The following NETO1 variants were observed in gnomAD, a reference collection of about 807,000 sequenced individuals.
The protein encoded by NETO1 is neuropilin and tolloid-like protein 1.
NETO1 carries 26 observed loss-of-function variants against 61.3 expected under a neutral mutation model. The ratio of observed to expected loss-of-function variants is 0.42; its 90% CI spans 0.31 to 0.59. NETO1 has a LOEUF of 0.59. Ranked by LOEUF, NETO1 falls within the 20% of genes least tolerant of loss-of-function variation. The pLI is 0.12. For synonymous variants in NETO1, 225 were observed against 225.8 expected (o/e 1.00, Z 0.03); for missense variants, 531 against 662.8 (o/e 0.80, Z 2.18).
intron 6 of NETO1, 48 bp from the exon 7 acceptor site, chr18:72,783,954 A>T (rs775520336): frequency 7.6e-7 from 1 of 1,315,416 alleles, no homozygotes; most frequent in East Asian, 2.3e-5. Flanking sequence ...ATATGAATGT[A>T]CATCAGTATC....
chr18:72,844,614 C>T (rs1195067027), intron 4 of NETO1, among the ~76,000 whole-genome samples: 4 of 152,156 alleles, frequency 2.6e-5, no homozygotes, highest in Admixed American at 1.3e-4. Context: ...TCGTATCTGG[C>T]GTCTCACTCA....
chr18:72,848,655 A>C (rs2074160189), intron 4 of NETO1, among the ~76,000 whole-genome samples: 1 of 152,184 alleles, frequency 6.6e-6, no homozygotes, highest in African/African-American at 2.4e-5. Context: ...TCAAGGGCTG[A>C]GACTGTACTC....
intron 4 of NETO1, among the ~76,000 whole-genome samples, chr18:72,806,011 C>A (rs1408897292): frequency 6.6e-6 from 1 of 152,116 alleles, no homozygotes; most frequent in Non-Finnish European, 1.5e-5. Context: ...GTGTTGAAAG[C>A]TAATGATGAG....
intron 6 of NETO1, among the ~76,000 whole-genome samples, chr18:72,785,767 A>C (rs1568198592): frequency 6.6e-6 from 1 of 152,200 alleles, no homozygotes; most frequent in South Asian, 2.1e-4. Flanking sequence ...ATTTTCAAAA[A>C]ATCCACCCTT....
chr18:72,834,229 C>T (rs941945824), intron 4 of NETO1: 48 of 680,976 alleles, frequency 7.0e-5, no homozygotes, highest in Non-Finnish European at 6.3e-5. Flanking sequence ...GTATTAATTG[C>T]AAAATAAGTT....
chr18:72,779,088 G>A (rs1424079135), intron 7 of NETO1, among the ~76,000 whole-genome samples: 3 of 152,120 alleles, frequency 2.0e-5, no homozygotes, highest in Non-Finnish European at 2.9e-5. Flanking sequence ...AAATGTGTAG[G>A]CACCAGGAAA....
rs2072345374 is a variant in NETO1, at chr18:72,797,184, G to C, written c.470-2780C>G. ...CTTGATTAGAAGGTTTCAGCCTTAT[G>C]TGCCTGTTTCTACAATTTTTGTGGA... On this transcript the variant is annotated intron_variant, in intron 4 of 10. Coordinates refer to ENST00000327305, the MANE Select transcript of NETO1 (RefSeq NM_138966.5). Among the ~76,000 whole-genome samples the C allele has an allele frequency of 2.0e-5, 3 of 151,982 alleles. No homozygotes were observed. The South Asian group carries it at 6.2e-4, about 32-fold the overall frequency.
Position 72,747,964 on chromosome 18 carries a change from A to G in NETO1, c.*215T>C. 1 of 182,106 alleles carries G rather than the reference A, an allele frequency of 5.5e-6. No individual in the cohort carries two copies. The highest frequency in any genetic ancestry group is 1.1e-5 in the Non-Finnish European group (1 of 95,046). 11.3% of individuals were successfully genotyped at this position (182,106 alleles called of 1,614,324 possible). A position where few individuals can be genotyped will look rare whatever the true frequency, so the allele number is the denominator to read the frequency against. On this transcript the variant is annotated 3_prime_UTR_variant, in exon 11 of 11. Coordinates refer to ENST00000327305, the MANE Select transcript of NETO1 (RefSeq NM_138966.5). ...CTCAAAATGTATTTAAAAACTAAGGAGCACTTGGTGGCCAGCAACCAAATT... is the reference window on the plus strand; with the variant it reads ...CTCAAAATGTATTTAAAAACTAAGGGGCACTTGGTGGCCAGCAACCAAATT...
intron 4 of NETO1, among the ~76,000 whole-genome samples, chr18:72,801,816 TAAATA>T (rs2072517105): frequency 6.6e-6 from 1 of 152,160 alleles, no homozygotes; most frequent in African/African-American, 2.4e-5. Flanking sequence ...TATTTCCTCT[TAAATA>T]AAAGAAAATA....
At chr18:72,846,231 G>A (rs372789544) in intron 4 of NETO1, among the ~76,000 whole-genome samples, 8 of 151,648 alleles carry the variant, frequency 5.3e-5, no homozygotes, top group Admixed American at 2.0e-4. Context: ...GCGGCCAGGC[G>A]CTGTGGCTCA....
chr18:72,865,691 T>G (rs931304712), intron 1 of NETO1: 2 of 1,549,496 alleles, frequency 1.3e-6, no homozygotes, highest in African/African-American at 2.7e-5. Context: ...CATACTGCAG[T>G]GTGGCTGTAT....
At chr18:72,855,037 T>C (rs550632864) in intron 4 of NETO1, among the ~76,000 whole-genome samples, 1 of 152,354 alleles carries the variant, frequency 6.6e-6, no homozygotes, top group African/African-American at 2.4e-5. Flanking sequence ...TCTTTTTAAA[T>C]GAGAAAACAA....
At chr18:72,760,802 A>G (rs1198986006) in intron 7 of NETO1, among the ~76,000 whole-genome samples, 1 of 152,220 alleles carries the variant, frequency 6.6e-6, no homozygotes, top group Non-Finnish European at 1.5e-5. Context: ...GAGACTGTGG[A>G]ATCAATATGC....
At chr18:72,805,621 AGTTGTAAATG>A (rs2072650555) in intron 4 of NETO1, among the ~76,000 whole-genome samples, 1 of 152,206 alleles carries the variant, frequency 6.6e-6, no homozygotes, top group Non-Finnish European at 1.5e-5. Flanking sequence ...CTAAGAATAC[AGTTGTAAATG>A]GTAGGACTTG....
intron 4 of NETO1, among the ~76,000 whole-genome samples, chr18:72,841,779 G>T (rs532678515): frequency 2.1e-5 from 3 of 145,802 alleles, no homozygotes; most frequent in African/African-American, 7.6e-5. Flanking sequence ...CTCACTGATG[G>T]AGCATGCCCG....
intron 8 of NETO1, among the ~76,000 whole-genome samples, chr18:72,752,593 A>G (rs1015905627): frequency 3.9e-5 from 6 of 152,180 alleles, no homozygotes; most frequent in Non-Finnish European, 7.4e-5. Context: ...TTTTCAACAA[A>G]ACATTATAAT....
At chr18:72,823,421 GATCAC>G (rs2073271371) in intron 4 of NETO1, among the ~76,000 whole-genome samples, 1 of 152,136 alleles carries the variant, frequency 6.6e-6, no homozygotes, top group South Asian at 2.1e-4. Flanking sequence ...AGGCCTCTGA[GATCAC>G]GTGAGGGACC....
At position 72,829,299 on chromosome 18, in the gene NETO1, C is replaced by G. The variant is rs922896982; in HGVS notation, c.469+29527G>C. Among the ~76,000 whole-genome samples, 4 of 152,226 alleles carry G rather than the reference C, an allele frequency of 2.6e-5. No individual in the cohort carries two copies. The East Asian group carries it at 7.7e-4, about 29-fold the overall frequency. On this transcript the variant is annotated intron_variant, in intron 4 of 10. Coordinates refer to ENST00000327305, the MANE Select transcript of NETO1 (RefSeq NM_138966.5). ...AGTCTCAAAACACTAAAAATGCAAA[C>G]TTTCCTCAAGCTGATCTATAGACCA...
At chr18:72,760,196 T>C (rs1172142174) in intron 7 of NETO1, among the ~76,000 whole-genome samples, 2 of 152,216 alleles carry the variant, frequency 1.3e-5, no homozygotes, top group Non-Finnish European at 2.9e-5. Context: ...CAAAATATTC[T>C]AGTCAGCCAA....
Sources: gnomAD v4.1 joint callset for allele counts (sites outside exome capture counted in the v4.1 genomes callset) on GRCh38, gnomAD v4.1.1 for gene constraint, MANE v1.5 for transcripts, NCBI Gene and HGNC (gene_info 2026-07-23, HGNC 2026-07-21) for gene names.